FAM171A1: variants seen among roughly 807,000 people sequenced by gnomAD.
FAM171A1 encodes family with sequence similarity 171 member A1.
In FAM171A1, 23 loss-of-function variants were observed where a neutral mutation model predicts 74.9. That is an observed-to-expected ratio of 0.31 (90% CI 0.22 to 0.44). The LOEUF is 0.44. Ranked by LOEUF, FAM171A1 falls within the 20% of genes least tolerant of loss-of-function variation. The pLI is 1.00. For synonymous variants in FAM171A1, 527 were observed against 505.7 expected, an observed-to-expected ratio of 1.04 and a Z score of -0.57; for missense variants, 1,162 against 1,159.2, an observed-to-expected ratio of 1.00 and a Z score of -0.03.
At chr10:15,258,729 C>T (rs2131774237) in intron 3 of FAM171A1, among the ~76,000 whole-genome samples, 1 of 152,290 alleles carries the variant, frequency 6.6e-6, no homozygotes, top group East Asian at 1.9e-4. Flanking sequence ...ACTGTTTGCC[C>T]CTCCTGCCCA....
At chr10:15,266,026 C>A (rs1834735698) in intron 3 of FAM171A1, among the ~76,000 whole-genome samples, 1 of 152,192 alleles carries the variant, frequency 6.6e-6, no homozygotes, top group African/African-American at 2.4e-5. Context: ...TCTCAGGCCA[C>A]TTGGCAGGAG....
chr10:15,277,479 C>A (rs1314658816), intron 2 of FAM171A1, among the ~76,000 whole-genome samples: 1 of 152,202 alleles, frequency 6.6e-6, no homozygotes, highest in African/African-American at 2.4e-5. Flanking sequence ...CTGCCTTGGC[C>A]TCCCAAACTG....
Position 15,230,151 on chromosome 10 carries a change from A to C in FAM171A1, c.755-9091T>G, listed in dbSNP as rs534080134. 3.3e-5 allele frequency among the ~76,000 whole-genome samples: 5 copies of C among 152,374 alleles called. No homozygotes were observed. In the South Asian group the frequency reaches 1.0e-3, roughly 32 times the overall value. ...AGAATCACATTAAAATCAAATAAAA[A>C]GCCATCAGCCCTTAAACCACATTCT... is the stretch of plus-strand genomic sequence containing the variant. On this transcript the variant is annotated intron_variant, in intron 5 of 7. Transcript: ENST00000378116.
chr10:15,353,955 C>T (rs529575981), intron 1 of FAM171A1, among the ~76,000 whole-genome samples: 5 of 152,340 alleles, frequency 3.3e-5, no homozygotes, highest in South Asian at 2.1e-4. Context: ...TGGGCATGCA[C>T]GCTCATCTGA....
chr10:15,245,042 T>A (rs1012330635), intron 5 of FAM171A1, among the ~76,000 whole-genome samples: 35 of 152,112 alleles, frequency 2.3e-4, no homozygotes, highest in African/African-American at 8.5e-4. Context: ...GTTCAGCCAG[T>A]TGACTTTGCT....
intron 1 of FAM171A1, among the ~76,000 whole-genome samples, chr10:15,336,091 C>G (rs182624686): frequency 4.3e-4 from 66 of 152,078 alleles, no homozygotes; most frequent in Non-Finnish European, 8.8e-4. Flanking sequence ...GATTTATACA[C>G]AAGTCAACAA....
chr10:15,235,301 CAAAAAAAAAAAA>C (rs1193195866), intron 5 of FAM171A1, among the ~76,000 whole-genome samples: 2 of 44,550 alleles, frequency 4.5e-5, no homozygotes, highest in African/African-American at 1.5e-4. Context: ...GACTCTGTCT[CAAAAAAAAAAAA>C]AAAAAAAAAA....
At position 15,371,042 on chromosome 10, in the gene FAM171A1, G is replaced by A. The variant is rs1324197004; in HGVS notation, c.11C>T (p.Ser4Phe). 1.4e-5 allele frequency: 16 copies of A among 1,139,004 alleles called. No homozygotes were observed. Among genetic ancestry groups the A allele is most frequent in the Non-Finnish European group, 1.8e-5 (16 of 908,898 alleles). 70.6% of individuals were successfully genotyped at this position (1,139,004 alleles called of 1,614,324 possible). Reference protein sequence around the residue: MSRSATLLLCLLGC... With the variant: MSRFATLLLCLLGC... The stretch of plus-strand genomic sequence containing the variant: ...CAGCAGGCACAGCAGCAGCGTCGCG[G>A]ACCTGCTCATCTCCGCCGCGGGGCC... Residue 4 changes from serine to phenylalanine, a missense_variant, in exon 1 of 8, where the codon TCC becomes TTC. Ser to Phe is a radical substitution (Grantham distance 155). Coordinates refer to ENST00000378116, the MANE Select transcript of FAM171A1 (RefSeq NM_001010924.2).
Position 15,212,985 on chromosome 10 carries a change from T to A in FAM171A1, c.2603A>T (p.Gln868Leu), listed in dbSNP as rs1471339082. 3 of 1,613,956 alleles carry A rather than the reference T, an allele frequency of 1.9e-6. No homozygotes were observed. The highest frequency in any genetic ancestry group is 3.3e-5 in the Admixed American group (2 of 59,984). ...CCAGGGGCTTTTCTTGTCTTCTCCT[T>A]GGTCATCATCATCATCGTCTTCCTC... ...EEEEDDDDDD[Q>L]GEDKKSPWQK... The change falls in exon 8 of 8, where the codon CAA (glutamine) becomes CTA (leucine). Residue 868 changes from glutamine to leucine, a missense_variant. Physicochemically the swap from Gln to Leu is moderately radical, Grantham distance 113. Transcript: ENST00000378116.
intron 6 of FAM171A1, among the ~76,000 whole-genome samples, chr10:15,218,535 G>C (rs10906862): frequency 0.22 from 33,807 of 152,082 alleles, 4,022 homozygotes; most frequent in African/African-American, 0.31. Flanking sequence ...ATAAAGGTGG[G>C]TTGTGAGATG....
At chr10:15,367,976 A>G (rs549255526) in intron 1 of FAM171A1, among the ~76,000 whole-genome samples, 5 of 152,356 alleles carry the variant, frequency 3.3e-5, no homozygotes, top group Admixed American at 2.0e-4. Flanking sequence ...AGCTCTCTCT[A>G]TTGAACCCAG....
At chr10:15,233,520 G>GA (rs1834236182) in intron 5 of FAM171A1, among the ~76,000 whole-genome samples, 1 of 117,734 alleles carries the variant, frequency 8.5e-6, no homozygotes, top group Non-Finnish European at 1.8e-5. Context: ...GGTGTATTCA[G>GA]GGTGTGTGTG....
chr10:15,362,519 C>T (rs1588572457), intron 1 of FAM171A1, among the ~76,000 whole-genome samples: 2 of 152,132 alleles, frequency 1.3e-5, no homozygotes, highest in Admixed American at 6.5e-5. Context: ...CAGGCTGGCC[C>T]GTCTCTACTA....
At position 15,338,722 on chromosome 10, in the gene FAM171A1, G is replaced by A. The variant is rs189304091; in HGVS notation, c.97+32234C>T. Among the ~76,000 whole-genome samples, 786 of 152,190 alleles carry A rather than the reference G, an allele frequency of 5.2e-3. 6 individuals carry two copies. The highest frequency in any genetic ancestry group is 0.018 in the African/African-American group (729 of 41,550). ...CTTCTTGGGATTTTTTTGTTTGTGT[G>A]TAGTGATGTCTCTGCAATGGGATAT... On this transcript the variant is annotated intron_variant, in intron 1 of 7. Transcript: ENST00000378116.
intron 1 of FAM171A1, among the ~76,000 whole-genome samples, chr10:15,310,254 T>A (rs1835344730): frequency 6.6e-6 from 1 of 152,228 alleles, no homozygotes; most frequent in Admixed American, 6.5e-5. Context: ...GCATCTTTTT[T>A]ATGTATGGGA....
chr10:15,320,959 G>T (rs1454957053), intron 1 of FAM171A1, among the ~76,000 whole-genome samples: 1 of 152,226 alleles, frequency 6.6e-6, no homozygotes, highest in Non-Finnish European at 1.5e-5. Context: ...TGTAACTGAA[G>T]AGAGTTTAAT....
intron 6 of FAM171A1, 69 bp from the exon 7 acceptor site, chr10:15,216,179 G>A (rs1388475733): frequency 5.0e-6 from 5 of 995,624 alleles, no homozygotes; most frequent in Non-Finnish European, 7.4e-6. Flanking sequence ...CATTCATTGA[G>A]AACGCAGTGT....
intron 1 of FAM171A1, among the ~76,000 whole-genome samples, chr10:15,324,369 C>T (rs1835524466): frequency 6.6e-6 from 1 of 152,210 alleles, no homozygotes; most frequent in African/African-American, 2.4e-5. Flanking sequence ...AAATGACACA[C>T]TCTTCAGGAG....
chr10:15,262,163 A>T (rs1399010719), intron 3 of FAM171A1, among the ~76,000 whole-genome samples: 1 of 152,072 alleles, frequency 6.6e-6, no homozygotes, highest in African/African-American at 2.4e-5. Context: ...TGCAGGGGAG[A>T]GCGTGTGGGA....
Sources: allele counts gnomAD v4.1 joint callset (sites outside exome capture counted in the v4.1 genomes callset), GRCh38; gene constraint gnomAD v4.1.1; transcripts MANE v1.5; gene names NCBI Gene and HGNC (gene_info 2026-07-23, HGNC 2026-07-21).